Variants in KALRN observed in about 807,000 individuals in gnomAD.
KALRN encodes kalirin RhoGEF kinase, also known as kalirin.
KALRN carries 70 observed loss-of-function variants against 353.7 expected under a neutral mutation model. That is an observed-to-expected ratio of 0.20 (90% CI 0.16 to 0.24). The LOEUF is 0.24. Ranked by LOEUF, KALRN falls within the 10% of genes least tolerant of loss-of-function variation. The pLI is 1.00. For synonymous variants in KALRN, 1,391 were observed against 1,434.8 expected (o/e 0.97, Z 0.69); for missense variants, 2,791 against 3,756.7 (o/e 0.74, Z 6.72).
rs149578058 is a variant in KALRN, at chr3:124,411,223, G to A, written c.2347-2247G>A. Reference sequence around the variant, plus strand: ...AAGGGGAGGGATGGATTGGAAGGGGGCACAAGCAGGTTCTCTAGAGTGATG... The same window carrying A: ...AAGGGGAGGGATGGATTGGAAGGGGACACAAGCAGGTTCTCTAGAGTGATG... On this transcript the variant is annotated intron_variant, in intron 13 of 59. Coordinates refer to ENST00000682506, the MANE Select transcript of KALRN (RefSeq NM_001388419.1). Among the ~76,000 whole-genome samples the A allele has an allele frequency of 4.6e-5, 7 of 152,152 alleles. No individual in the cohort carries two copies. The East Asian group carries it at 1.2e-3, about 25-fold the overall frequency.
chr3:124,417,385 T>G (rs2092563763), intron 14 of KALRN, among the ~76,000 whole-genome samples: 1 of 152,232 alleles, frequency 6.6e-6, no homozygotes, highest in African/African-American at 2.4e-5. Context: ...ACTTCTTCTC[T>G]CCCATGAAAT....
At chr3:124,609,054 ATGTGGGCT>A in intron 34 of KALRN, among the ~76,000 whole-genome samples, 1 of 152,334 alleles carries the variant, frequency 6.6e-6, no homozygotes, top group South Asian at 2.1e-4. Flanking sequence ...AAGAAAGGTC[ATGTGGGCT>A]TGAGTTTTGT....
intron 3 of KALRN, among the ~76,000 whole-genome samples, chr3:124,252,302 G>C (rs1033878823): frequency 2.0e-5 from 3 of 151,946 alleles, no homozygotes; most frequent in African/African-American, 7.2e-5. Context: ...TGGTCCAAAC[G>C]GCTAAGATAT....
At chr3:124,110,128 CAT>C (rs1282924462) in intron 1 of KALRN, among the ~76,000 whole-genome samples, 6 of 1,710 alleles carry the variant, frequency 3.5e-3, no homozygotes, top group Non-Finnish European at 5.0e-3. Context: ...ATATATATGA[CAT>C]ATATGTCATA....
At chr3:124,085,835 T>C (rs1489820681) in intron 1 of KALRN, among the ~76,000 whole-genome samples, 1 of 152,250 alleles carries the variant, frequency 6.6e-6, no homozygotes, top group Non-Finnish European at 1.5e-5. Context: ...CTACTGTTAA[T>C]AGTTTGGTAT....
At chr3:124,696,065 A>G (rs1357159489) in intron 53 of KALRN, 69 bp from the exon 54 acceptor site, 5 of 1,567,732 alleles carry the variant, frequency 3.2e-6, no homozygotes, top group East Asian at 2.3e-5. Flanking sequence ...GGCCAACCCT[A>G]TGGGATTTTA....
chr3:124,244,320 C>T (rs2148678744), intron 3 of KALRN, among the ~76,000 whole-genome samples: 1 of 152,202 alleles, frequency 6.6e-6, no homozygotes, highest in Admixed American at 6.5e-5. Flanking sequence ...TCACTGCAAC[C>T]TCCGCCTCCT....
chr3:124,543,631 T>G (rs889023346), intron 33 of KALRN, among the ~76,000 whole-genome samples: 9 of 152,148 alleles, frequency 5.9e-5, no homozygotes, highest in Admixed American at 3.9e-4. Flanking sequence ...CACCACAGGT[T>G]TCTTTTAATG....
Position 124,642,806 on chromosome 3 carries a change from G to GTTGTTTTTTTGTTTTTTTTTTTT in KALRN, c.5664+5505_5664+5506insGTTTTTTTGTTTTTTTTTTTTTT, listed in dbSNP as rs796628603. On this transcript the variant is annotated intron_variant, in intron 37 of 59. Coordinates refer to ENST00000682506, the MANE Select transcript of KALRN (RefSeq NM_001388419.1). ...TCTGTGGAAGAGATTCCCAAGCCTC[G>GTTGTTTTTTTGTTTTTTTTTTTT]TTTTTTTTTTTTTTTTTTTTGAGAC... Among the ~76,000 whole-genome samples the GTTGTTTTTTTGTTTTTTTTTTTT allele has an allele frequency of 1.4e-4, 14 of 96,818 alleles. No individual in the cohort carries two copies. The East Asian group carries it at 6.7e-3, about 46-fold the overall frequency. 63.5% of individuals were successfully genotyped at this position (96,818 alleles called of 152,430 possible). A position where few individuals can be genotyped will look rare whatever the true frequency, so the allele number is the denominator to read the frequency against.
chr3:124,614,675 A>G (rs1448139844), intron 34 of KALRN, among the ~76,000 whole-genome samples: 1 of 151,490 alleles, frequency 6.6e-6, no homozygotes, highest in African/African-American at 2.4e-5. Context: ...GGCTCAGGCA[A>G]TCCTCCCACT....
intron 38 of KALRN, among the ~76,000 whole-genome samples, chr3:124,652,091 C>T (rs1314256129): frequency 6.6e-6 from 1 of 152,200 alleles, no homozygotes; most frequent in Admixed American, 6.5e-5. Flanking sequence ...ATTAGCCTGC[C>T]TTTCTCTCTC....
At chr3:124,326,308 T>A in intron 7 of KALRN, 137 bp downstream of exon 7, 1 of 577,096 alleles carries the variant, frequency 1.7e-6, no homozygotes, top group East Asian at 3.0e-5. Flanking sequence ...CCCTGCCGAG[T>A]CATTGCAACA....
chr3:124,076,839 T>C (rs1474004789), intron 1 of KALRN, among the ~76,000 whole-genome samples: 1 of 152,218 alleles, frequency 6.6e-6, no homozygotes, highest in Non-Finnish European at 1.5e-5. Context: ...GGGCTCCATG[T>C]TGCCAGACCT....
chr3:124,084,713 T>C (rs2060717755), intron 1 of KALRN, among the ~76,000 whole-genome samples: 1 of 152,176 alleles, frequency 6.6e-6, no homozygotes, highest in South Asian at 2.1e-4. Context: ...CTGTTTTTGG[T>C]TATGGGAATA....
In KALRN at chr3:124,646,351, G is replaced by A. The variant is rs539173827; in HGVS notation, c.5665-4457G>A. Among the ~76,000 whole-genome samples, 18 of 149,660 alleles carry A rather than the reference G, an allele frequency of 1.2e-4. No homozygotes were observed. The East Asian group carries it at 3.2e-3, about 26-fold the overall frequency. On this transcript the variant is annotated intron_variant, in intron 37 of 59. Coordinates refer to ENST00000682506, the MANE Select transcript of KALRN (RefSeq NM_001388419.1). Reference sequence around the variant, plus strand: ...ATCATTTCCTCTTAGATTTTAGTCCGACATCTCTCTATGTGACTGCTAGAG... The same window carrying A: ...ATCATTTCCTCTTAGATTTTAGTCCAACATCTCTCTATGTGACTGCTAGAG...
intron 1 of KALRN, among the ~76,000 whole-genome samples, chr3:124,175,051 T>C (rs1262586244): frequency 6.6e-6 from 1 of 152,212 alleles, no homozygotes; most frequent in Non-Finnish European, 1.5e-5. Context: ...ACTTCTATTG[T>C]CATAAAAAAT....
chr3:124,646,384 T>A (rs1413814853), intron 37 of KALRN, among the ~76,000 whole-genome samples: 1 of 145,190 alleles, frequency 6.9e-6, no homozygotes. Context: ...GAGGGATCTT[T>A]TGTTTACTTT....
intron 34 of KALRN, among the ~76,000 whole-genome samples, chr3:124,582,413 T>G (rs1335555088): frequency 1.3e-5 from 2 of 152,212 alleles, no homozygotes; most frequent in Admixed American, 6.5e-5. Flanking sequence ...GACGTTCTTA[T>G]GTAAACCTTG....
Position 124,724,351 on chromosome 3 carries a change from T to C in KALRN, c.*4881T>C, listed in dbSNP as rs2063393932. On this transcript the variant is annotated 3_prime_UTR_variant, in exon 60 of 60. Coordinates refer to ENST00000682506, the MANE Select transcript of KALRN (RefSeq NM_001388419.1). ...ATTGTGCTGGATGAGTTTCGAGGAA[T>C]GTAGACCTTCTTCCTTTCTCTCCTG... 1 of 152,222 alleles carries C rather than the reference T, an allele frequency of 6.6e-6. No homozygotes were observed. 9.4% of individuals were successfully genotyped at this position (152,222 alleles called of 1,614,324 possible).
Sources: gnomAD v4.1 joint callset for allele counts (sites outside exome capture counted in the v4.1 genomes callset) on GRCh38, gnomAD v4.1.1 for gene constraint, MANE v1.5 for transcripts, NCBI Gene and HGNC (gene_info 2026-07-23, HGNC 2026-07-21) for gene names.